Variants in COG5 observed in about 807,000 individuals in gnomAD.
The protein encoded by COG5 is component of oligomeric golgi complex 5.
COG5 carries 86 observed loss-of-function variants against 110.4 expected under a neutral mutation model. The observed-to-expected ratio is 0.78, with a 90% CI of 0.65 to 0.93. The LOEUF (loss-of-function observed/expected upper bound fraction) is 0.93, where lower values mean the gene tolerates loss of function less well. Ranked by LOEUF, COG5 falls within the 40% of genes least tolerant of loss-of-function variation. The pLI is 0.00. For missense variants in COG5, 1,077 were observed against 987.0 expected (o/e 1.09, Z -1.22); for synonymous variants, 360 against 334.6 (o/e 1.08, Z -0.83).
chr7:107,345,358 C>A (rs1036130389), intron 10 of COG5, among the ~76,000 whole-genome samples: 5 of 152,036 alleles, frequency 3.3e-5, no homozygotes, highest in Non-Finnish European at 5.9e-5. Context: ...CACCAATAGG[C>A]TTGCTTGATG....
chr7:107,336,403 G>C (rs1810704193), intron 10 of COG5, among the ~76,000 whole-genome samples: 1 of 151,834 alleles, frequency 6.6e-6, no homozygotes, highest in African/African-American at 2.4e-5. Flanking sequence ...CGAGGAGAGA[G>C]AGACACAAAG....
chr7:107,345,142 G>C (rs1811488208), intron 10 of COG5, among the ~76,000 whole-genome samples: 1 of 152,178 alleles, frequency 6.6e-6, no homozygotes, highest in Non-Finnish European at 1.5e-5. Context: ...AGAATGGCCA[G>C]TTGGTGGAGC....
chr7:107,279,790 C>A (rs565998471), intron 14 of COG5, among the ~76,000 whole-genome samples: 2 of 152,104 alleles, frequency 1.3e-5, no homozygotes, highest in East Asian at 3.9e-4. Context: ...CAAAAAATGA[C>A]AATGATTTTC....
At position 107,254,066 on chromosome 7, in the gene COG5, C is replaced by T. The variant is rs192023801; in HGVS notation, c.1749+2666G>A. ...GACTTTCACTGTGTATCACTAATAC[C>T]TGGCATGTGACAGACAATAAATATT... On this transcript the variant is annotated intron_variant, in intron 16 of 21. Transcript: ENST00000297135. Among the ~76,000 whole-genome samples the T allele has an allele frequency of 2.0e-3, 304 of 151,880 alleles. 2 individuals carry two copies. Among genetic ancestry groups the T allele is most frequent in the African/African-American group, 6.9e-3 (287 of 41,390 alleles).
chr7:107,237,075 A>G (rs939176126), intron 17 of COG5, among the ~76,000 whole-genome samples: 1 of 152,212 alleles, frequency 6.6e-6, no homozygotes, highest in Admixed American at 6.5e-5. Flanking sequence ...TCAATAATGG[A>G]TCCTGAAATA....
intron 6 of COG5, among the ~76,000 whole-genome samples, chr7:107,442,251 G>C (rs1794748449): frequency 6.6e-6 from 1 of 152,124 alleles, no homozygotes; most frequent in Admixed American, 6.6e-5. Context: ...AGCCATGTAA[G>C]ACATGCTTGC....
intron 21 of COG5, chr7:107,207,873 G>C: frequency 2.2e-5 from 22 of 985,382 alleles, no homozygotes; most frequent in Non-Finnish European, 2.7e-5. Context: ...CATTTATTCA[G>C]CAGCAGTAGT....
intron 14 of COG5, among the ~76,000 whole-genome samples, chr7:107,280,357 G>T (rs990491206): frequency 6.6e-6 from 1 of 152,112 alleles, no homozygotes; most frequent in Non-Finnish European, 1.5e-5. Flanking sequence ...AGGAAGCCTC[G>T]TAACATGACT....
At chr7:107,534,055 C>G (rs1801402887) in intron 5 of COG5, among the ~76,000 whole-genome samples, 1 of 151,548 alleles carries the variant, frequency 6.6e-6, no homozygotes, top group African/African-American at 2.4e-5. Flanking sequence ...AATTTCATAT[C>G]CAGCCAAACT....
intron 12 of COG5, among the ~76,000 whole-genome samples, chr7:107,289,799 A>C (rs1333172093): frequency 1.3e-5 from 2 of 152,190 alleles, no homozygotes; most frequent in Non-Finnish European, 2.9e-5. Context: ...CCAACAATGA[A>C]TTGTTATAAT....
chr7:107,551,077 C>T (rs1246846171), intron 3 of COG5, among the ~76,000 whole-genome samples: 1 of 152,142 alleles, frequency 6.6e-6, no homozygotes, highest in Non-Finnish European at 1.5e-5. Context: ...GAGTCTCGCT[C>T]TGTCGCCCAG....
intron 15 of COG5, 117 bp downstream of exon 15, chr7:107,258,156 T>C: frequency 1.5e-6 from 1 of 675,140 alleles, no homozygotes; most frequent in East Asian, 2.7e-5. Flanking sequence ...TATTTTATAA[T>C]CATCACATTT....
intron 14 of COG5, among the ~76,000 whole-genome samples, chr7:107,276,088 A>C (rs374504422): frequency 9.2e-5 from 14 of 152,162 alleles, no homozygotes; most frequent in East Asian, 5.8e-4. Flanking sequence ...TTATTGTTTC[A>C]AATGGTCTGC....
At position 107,254,964 on chromosome 7, in the gene COG5, AATAAGG is replaced by A. The variant is rs1198468853; in HGVS notation, c.1749+1762_1749+1767del. Among the ~76,000 whole-genome samples, 5 of 152,190 alleles carry A rather than the reference AATAAGG, an allele frequency of 3.3e-5. No individual in the cohort carries two copies. The East Asian group carries it at 9.6e-4, about 29-fold the overall frequency. On this transcript the variant is annotated intron_variant, in intron 16 of 21. Transcript: ENST00000297135. Reference sequence around the variant, plus strand: ...AGAAAATATTAGAATGCGTACACAAAATAAGGATAAGTATTACTTTGTGAAACTTCT... The same window carrying A: ...AGAAAATATTAGAATGCGTACACAAAATAAGTATTACTTTGTGAAACTTCT...
At chr7:107,518,549 A>G (rs772128085) in intron 6 of COG5, among the ~76,000 whole-genome samples, 1 of 152,072 alleles carries the variant, frequency 6.6e-6, no homozygotes, top group Admixed American at 6.5e-5. Context: ...AACAAAGATC[A>G]AAAAAGACAA....
intron 12 of COG5, among the ~76,000 whole-genome samples, chr7:107,295,056 CACACACACACATAT>C (rs1806577387): frequency 6.7e-5 from 4 of 60,108 alleles, no homozygotes; most frequent in African/African-American, 2.6e-4. Flanking sequence ...CACACACACA[CACACACACACATAT>C]ATATATATAT....
chr7:107,335,157 A>G (rs889592539), intron 10 of COG5, among the ~76,000 whole-genome samples: 1 of 152,194 alleles, frequency 6.6e-6, no homozygotes, highest in Non-Finnish European at 1.5e-5. Context: ...TTGTCATCTA[A>G]GTTGTCATCT....
intron 11 of COG5, among the ~76,000 whole-genome samples, chr7:107,322,370 C>G (rs922645183): frequency 1.3e-5 from 2 of 152,168 alleles, no homozygotes; most frequent in Non-Finnish European, 2.9e-5. Flanking sequence ...ACTAAATCTT[C>G]CAGTACCTTG....
intron 11 of COG5, among the ~76,000 whole-genome samples, chr7:107,315,805 T>C (rs1584666707): frequency 6.6e-6 from 1 of 152,300 alleles, no homozygotes; most frequent in East Asian, 1.9e-4. Flanking sequence ...GAAGGTACTT[T>C]ATAAACAACT....
Sources: allele counts gnomAD v4.1 joint callset (sites outside exome capture counted in the v4.1 genomes callset), GRCh38; gene constraint gnomAD v4.1.1; transcripts MANE v1.5; gene names NCBI Gene and HGNC (gene_info 2026-07-23, HGNC 2026-07-21).